The following STYK1 variants were observed in gnomAD, a reference collection of about 807,000 sequenced individuals.
STYK1 encodes the protein tyrosine-protein kinase STYK1.
STYK1 carries 46 observed loss-of-function variants against 48.1 expected under a neutral mutation model. The ratio of observed to expected loss-of-function variants is 0.96; its 90% CI spans 0.75 to 1.22. The LOEUF (loss-of-function observed/expected upper bound fraction) is 1.22, where lower values mean the gene tolerates loss of function less well. Among genes scored for constraint, STYK1 ranks in the 50% most tolerant of loss-of-function variants. The pLI is 0.00. For synonymous variants in STYK1, 188 were observed against 189.0 expected (o/e 0.99, Z 0.04); for missense variants, 527 against 521.1 (o/e 1.01, Z -0.11).
At chr12:10,647,894 C>T (rs1274715471) in intron 1 of STYK1, among the ~76,000 whole-genome samples, 1 of 152,178 alleles carries the variant, frequency 6.6e-6, no homozygotes, top group East Asian at 1.9e-4. Flanking sequence ...ACTTGCTCTG[C>T]CTTGTCTTCT....
At position 10,621,869 on chromosome 12, in the gene STYK1, C is replaced by T; in HGVS notation, c.1064+7G>A. The stretch of plus-strand genomic sequence containing the variant: ...GAAAGAGGAGCAGGCCTTTAAAAAC[C>T]ACTTACATGGTATGTGTGCAGCTAC... On this transcript the variant is annotated splice_region_variant and intron_variant, in intron 10 of 10. Transcript: ENST00000075503. The T allele has an allele frequency of 6.2e-7, 1 of 1,613,236 alleles. No homozygotes were observed. Among genetic ancestry groups the T allele is most frequent in the South Asian group, 1.1e-5 (1 of 91,018 alleles).
chr12:10,669,669 G>GA (rs1402660487), intron 1 of STYK1, among the ~76,000 whole-genome samples: 1 of 151,966 alleles, frequency 6.6e-6, no homozygotes, highest in Non-Finnish European at 1.5e-5. Flanking sequence ...CACAACCAAG[G>GA]AAAAAATCAA....
intron 1 of STYK1, among the ~76,000 whole-genome samples, chr12:10,644,880 T>C (rs914435025): frequency 2.0e-5 from 3 of 152,004 alleles, no homozygotes; most frequent in African/African-American, 7.3e-5. Flanking sequence ...AGATAAATAT[T>C]TGGGAGTCAT....
At chr12:10,642,885 A>T (rs1018051170) in intron 1 of STYK1, among the ~76,000 whole-genome samples, 1 of 152,200 alleles carries the variant, frequency 6.6e-6, no homozygotes, top group African/African-American at 2.4e-5. Flanking sequence ...CATCAGGGAA[A>T]ATATATCAGC....
At chr12:10,657,385 AAG>A (rs1947730819) in intron 1 of STYK1, among the ~76,000 whole-genome samples, 1 of 152,224 alleles carries the variant, frequency 6.6e-6, no homozygotes, top group African/African-American at 2.4e-5. Context: ...TTATATATGA[AAG>A]AGCTCTGATT....
intron 7 of STYK1, among the ~76,000 whole-genome samples, chr12:10,626,354 G>A (rs1947358775): frequency 6.6e-6 from 1 of 152,064 alleles, no homozygotes; most frequent in Non-Finnish European, 1.5e-5. Context: ...TTTATCAAGG[G>A]AACATATCAA....
intron 1 of STYK1, among the ~76,000 whole-genome samples, chr12:10,643,730 A>G (rs1947569526): frequency 6.6e-6 from 1 of 152,246 alleles, no homozygotes; most frequent in South Asian, 2.1e-4. Flanking sequence ...CACAGCCACA[A>G]GGCAAGAGAG....
chr12:10,634,146 A>G, intron 3 of STYK1, 22 bp from the exon 4 acceptor site: 1 of 1,481,974 alleles, frequency 6.7e-7, no homozygotes, highest in Non-Finnish European at 9.0e-7. Context: ...ATCACACAGG[A>G]AGAGAAGAGA....
chr12:10,646,639 A>G (rs1947602804), intron 1 of STYK1, among the ~76,000 whole-genome samples: 2 of 152,246 alleles, frequency 1.3e-5, no homozygotes. Context: ...TGCATAAGTA[A>G]CAAGGAGCCA....
chr12:10,646,316 T>C (rs1947598730), intron 1 of STYK1, among the ~76,000 whole-genome samples: 1 of 152,224 alleles, frequency 6.6e-6, no homozygotes, highest in South Asian at 2.1e-4. Context: ...TGAAGTGGTC[T>C]CAGATGGAGA....
In STYK1 at chr12:10,619,930, ACAG is replaced by A; in HGVS notation, c.*211_*213del. The A allele has an allele frequency of 1.6e-6, 1 of 615,640 alleles. No homozygotes were observed. Among genetic ancestry groups the A allele is most frequent in the Non-Finnish European group, 2.8e-6 (1 of 351,814 alleles). The allele number at this position is 615,640 out of a possible 1,614,324, so 38.1% of individuals were successfully genotyped here. A position where few individuals can be genotyped will look rare whatever the true frequency, so the allele number is the denominator to read the frequency against. ...TCTACCCAGGATTTCTAGGACTGGG[ACAG>A]CAGAAGTGAGACTGACAGTATGTCT... On this transcript the variant is annotated 3_prime_UTR_variant, in exon 11 of 11. Coordinates refer to ENST00000075503, the MANE Select transcript of STYK1 (RefSeq NM_018423.3).
At chr12:10,625,640 C>A (rs1393058042) in intron 7 of STYK1, among the ~76,000 whole-genome samples, 1 of 152,072 alleles carries the variant, frequency 6.6e-6, no homozygotes, top group African/African-American at 2.4e-5. Context: ...GGGTTGAATT[C>A]AGAAATTTTC....
chr12:10,660,351 C>T (rs1947762959), intron 1 of STYK1, among the ~76,000 whole-genome samples: 1 of 152,148 alleles, frequency 6.6e-6, no homozygotes, highest in African/African-American at 2.4e-5. Flanking sequence ...ATACAAAAAA[C>T]ACTAATAGTT....
intron 1 of STYK1, among the ~76,000 whole-genome samples, chr12:10,637,426 C>T (rs1410574197): frequency 5.3e-5 from 8 of 151,424 alleles, no homozygotes; most frequent in Non-Finnish European, 1.2e-4. Context: ...CAAGCTCCAC[C>T]TCCCAGGTTC....
chr12:10,649,185 TG>T (rs1315511557), intron 1 of STYK1, among the ~76,000 whole-genome samples: 1 of 151,920 alleles, frequency 6.6e-6, no homozygotes, highest in Non-Finnish European at 1.5e-5. Context: ...GAGAAATAGG[TG>T]GAGATGTAAA....
intron 2 of STYK1, among the ~76,000 whole-genome samples, chr12:10,635,254 G>A (rs1014816081): frequency 1.3e-5 from 2 of 151,912 alleles, no homozygotes; most frequent in Non-Finnish European, 2.9e-5. Flanking sequence ...CTGAGTCTCT[G>A]GAATTACAGG....
intron 1 of STYK1, among the ~76,000 whole-genome samples, chr12:10,673,172 G>A (rs1391414600): frequency 1.3e-5 from 2 of 152,104 alleles, no homozygotes; most frequent in African/African-American, 2.4e-5. Context: ...ACATTGAAAA[G>A]AAAACAGAGG....
intron 5 of STYK1, among the ~76,000 whole-genome samples, chr12:10,630,081 GAGAGAGA>G (rs1947407794): frequency 1.9e-5 from 2 of 106,744 alleles, no homozygotes; most frequent in African/African-American, 6.8e-5. Flanking sequence ...GAGAGAGAGA[GAGAGAGA>G]GAGAAATATA....
chr12:10,623,836 C>A (rs540934758), intron 8 of STYK1, among the ~76,000 whole-genome samples: 2 of 152,120 alleles, frequency 1.3e-5, no homozygotes, highest in Admixed American at 6.5e-5. Flanking sequence ...CTAAAAGATA[C>A]TATTTACACT....
Sources: gnomAD v4.1 joint callset for allele counts (sites outside exome capture counted in the v4.1 genomes callset) on GRCh38, gnomAD v4.1.1 for gene constraint, MANE v1.5 for transcripts, NCBI Gene and HGNC (gene_info 2026-07-23, HGNC 2026-07-21) for gene names.